The following TENM3 variants were observed in gnomAD, a reference collection of about 807,000 sequenced individuals.
TENM3 encodes teneurin-3.
A neutral mutation model predicts 255.1 loss-of-function variants in TENM3; 63 were observed. That is an observed-to-expected ratio of 0.25 (90% CI 0.20 to 0.30). TENM3 has a LOEUF of 0.30. TENM3 is among the 10% of genes least tolerant of loss of function. The probability of loss-of-function intolerance (pLI) is 1.00; values close to 1 mark genes in which losing one functional copy is unlikely to be tolerated. For synonymous variants in TENM3, 1,306 were observed against 1,322.3 expected (o/e 0.99, Z 0.27); for missense variants, 2,929 against 3,461.1 (o/e 0.85, Z 3.86).
At chr4:182,094,416 T>G in the TENM3 span, among the ~76,000 whole-genome samples, 3 of 152,090 alleles carry the variant, frequency 2.0e-5, no homozygotes, top group Non-Finnish European at 2.9e-5. Flanking sequence ...CAGCTAATTT[T>G]TGTACGTTTT....
At chr4:181,672,772 A>G in the TENM3 span, among the ~76,000 whole-genome samples, 1 of 152,210 alleles carries the variant, frequency 6.6e-6, no homozygotes, top group African/African-American at 2.4e-5. Flanking sequence ...TACTTTGCAT[A>G]TAGTATAATC....
the TENM3 span, among the ~76,000 whole-genome samples, chr4:181,681,883 C>T: frequency 6.6e-6 from 1 of 152,078 alleles, no homozygotes; most frequent in East Asian, 1.9e-4. Flanking sequence ...ATCAGTGTTC[C>T]TAAAATTATC....
At chr4:182,722,877 G>GA (rs928160336) in intron 13 of TENM3, among the ~76,000 whole-genome samples, 9 of 152,050 alleles carry the variant, frequency 5.9e-5, no homozygotes, top group African/African-American at 2.2e-4. Context: ...TTGAGATGAA[G>GA]AAAAGAAGCA....
intron 1 of TENM3, among the ~76,000 whole-genome samples, chr4:182,193,575 G>A (rs550754071): frequency 9.8e-5 from 15 of 152,294 alleles, no homozygotes; most frequent in South Asian, 2.1e-4. Flanking sequence ...CATTCCATGC[G>A]TCCCAGGGGT....
chr4:181,561,830 G>A, the TENM3 span, among the ~76,000 whole-genome samples: 1 of 152,186 alleles, frequency 6.6e-6, no homozygotes, highest in African/African-American at 2.4e-5. Context: ...TGTTCAAAGA[G>A]TATGAACAAC....
At chr4:182,027,958 T>A in the TENM3 span, among the ~76,000 whole-genome samples, 1 of 152,146 alleles carries the variant, frequency 6.6e-6, no homozygotes, top group Non-Finnish European at 1.5e-5. Context: ...TGTCTTGTTT[T>A]GATATCAGGG....
intron 3 of TENM3, among the ~76,000 whole-genome samples, chr4:182,582,825 A>G (rs771384575): frequency 3.9e-5 from 6 of 152,232 alleles, no homozygotes; most frequent in Non-Finnish European, 7.3e-5. Flanking sequence ...ACAAGAAAAA[A>G]TTCACATAAA....
the TENM3 span, among the ~76,000 whole-genome samples, chr4:181,447,756 A>G: frequency 6.6e-6 from 1 of 152,072 alleles, no homozygotes; most frequent in Non-Finnish European, 1.5e-5. Flanking sequence ...GCGGCTTCCT[A>G]GGAAGTCTGG....
chr4:182,525,165 T>C (rs948542430), intron 3 of TENM3, among the ~76,000 whole-genome samples: 1 of 152,218 alleles, frequency 6.6e-6, no homozygotes, highest in Non-Finnish European at 1.5e-5. Context: ...ACCTGCCGAT[T>C]CCCTGCCTCT....
intron 4 of TENM3, among the ~76,000 whole-genome samples, chr4:182,612,625 A>G (rs898897707): frequency 6.6e-6 from 1 of 152,192 alleles, no homozygotes; most frequent in African/African-American, 2.4e-5. Flanking sequence ...CGTACCTGAT[A>G]TAGAGACTGC....
chr4:182,028,179 C>T, the TENM3 span, among the ~76,000 whole-genome samples: 1,929 of 152,214 alleles, frequency 0.013, 45 homozygotes, highest in African/African-American at 0.043. Flanking sequence ...TTTCGGATTT[C>T]CTCATGGTTA....
At chr4:182,060,561 T>C in the TENM3 span, among the ~76,000 whole-genome samples, 1 of 152,186 alleles carries the variant, frequency 6.6e-6, no homozygotes, top group African/African-American at 2.4e-5. Context: ...TGTGGCCCAG[T>C]TGCTAACAAG....
chr4:182,790,116 C>A (rs1765982437), intron 25 of TENM3, among the ~76,000 whole-genome samples: 1 of 152,140 alleles, frequency 6.6e-6, no homozygotes, highest in Non-Finnish European at 1.5e-5. Flanking sequence ...CATGTAATTC[C>A]TTTCTTAAGA....
the TENM3 span, among the ~76,000 whole-genome samples, chr4:182,024,836 C>T: frequency 6.6e-6 from 1 of 152,026 alleles, no homozygotes; most frequent in Admixed American, 6.6e-5. Context: ...GACCCAGCTA[C>T]CACCCTCCCA....
At chr4:182,112,974 T>C in the TENM3 span, among the ~76,000 whole-genome samples, 1 of 152,230 alleles carries the variant, frequency 6.6e-6, no homozygotes, top group Non-Finnish European at 1.5e-5. Context: ...CAGTATTTAA[T>C]AATGTTATTA....
chr4:182,373,611 C>CATGAGGG (rs1249803212), intron 3 of TENM3, among the ~76,000 whole-genome samples: 3 of 152,182 alleles, frequency 2.0e-5, no homozygotes, highest in Non-Finnish European at 1.5e-5. Flanking sequence ...CCAAGCCATT[C>CATGAGGG]ATGAGGGACC....
the TENM3 span, among the ~76,000 whole-genome samples, chr4:181,753,127 G>T: frequency 2.4e-4 from 37 of 152,136 alleles, no homozygotes; most frequent in Non-Finnish European, 4.9e-4. Flanking sequence ...CGACTCAAAG[G>T]ATGAGAAAGA....
chr4:181,818,306 G>A, the TENM3 span, among the ~76,000 whole-genome samples: 1 of 152,140 alleles, frequency 6.6e-6, no homozygotes, highest in Non-Finnish European at 1.5e-5. Context: ...GATAATCTGA[G>A]TGGGCCTGAT....
the TENM3 span, among the ~76,000 whole-genome samples, chr4:182,089,979 A>C: frequency 0.031 from 4,653 of 152,340 alleles, 100 homozygotes; most frequent in Non-Finnish European, 0.046. Flanking sequence ...ATGTTGACTC[A>C]GTCCATCTAA....
Sources: allele counts gnomAD v4.1 joint callset (sites outside exome capture counted in the v4.1 genomes callset), GRCh38; gene constraint gnomAD v4.1.1; transcripts MANE v1.5; gene names NCBI Gene and HGNC (gene_info 2026-07-23, HGNC 2026-07-21).